The following MEGF11 variants were observed in gnomAD, a reference collection of about 807,000 sequenced individuals.
The protein encoded by MEGF11 is multiple EGF like domains 11.
MEGF11 carries 126 observed loss-of-function variants against 146.6 expected under a neutral mutation model. That is an observed-to-expected ratio of 0.86 (90% confidence interval 0.74 to 1.00). MEGF11 has a LOEUF of 1.00. Among genes scored for constraint, MEGF11 ranks in the 50% least tolerant of loss-of-function variants. MEGF11 has a pLI of 0.00. For missense variants in MEGF11, 1,509 were observed against 1,521.2 expected, an observed-to-expected ratio of 0.99 and a Z score of 0.13; for synonymous variants, 532 against 583.4, an observed-to-expected ratio of 0.91 and a Z score of 1.27.
intron 5 of MEGF11, among the ~76,000 whole-genome samples, chr15:65,995,936 A>G (rs2082182948): frequency 6.6e-6 from 1 of 152,074 alleles, no homozygotes; most frequent in African/African-American, 2.4e-5. Context: ...GTACCCTTCC[A>G]TCATCTCCAT....
chr15:66,166,887 G>C (rs140505246), intron 1 of MEGF11, among the ~76,000 whole-genome samples: 8 of 152,222 alleles, frequency 5.3e-5, no homozygotes, highest in African/African-American at 1.4e-4. Context: ...GTGAATAAAG[G>C]TTTCGATTCT....
At chr15:66,015,049 A>C (rs149847157) in intron 5 of MEGF11, among the ~76,000 whole-genome samples, 4 of 152,374 alleles carry the variant, frequency 2.6e-5, no homozygotes, top group African/African-American at 9.6e-5. Context: ...AAGCTTATCA[A>C]CATGACGTAA....
intron 11 of MEGF11, 66 bp from the exon 12 acceptor site, chr15:65,929,949 C>G: frequency 6.8e-7 from 1 of 1,476,522 alleles, no homozygotes; most frequent in Non-Finnish European, 9.2e-7. Flanking sequence ...TGCCCACTCC[C>G]CCCAGCTCTG....
chr15:65,965,225 T>C, intron 8 of MEGF11, 105 bp from the exon 9 acceptor site: 1 of 913,872 alleles, frequency 1.1e-6, no homozygotes, highest in Non-Finnish European at 1.7e-6. Flanking sequence ...CCAGGCCTGG[T>C]GTGCTCCACG....
At position 65,973,643 on chromosome 15, in the gene MEGF11, T is replaced by A. The variant is rs530033972; in HGVS notation, c.763-2954A>T. On this transcript the variant is annotated intron_variant, in intron 7 of 25. Coordinates refer to ENST00000395614, the MANE Select transcript of MEGF11 (RefSeq NM_001385028.1). ...CAAATCCCGTGTCTTAAAACTTTTT[T>A]AAATGATTTAACCACAAATTGTAAT... Among the ~76,000 whole-genome samples, 15 of 152,268 alleles carry A rather than the reference T, an allele frequency of 9.9e-5. No individual in the cohort carries two copies. In the South Asian group the frequency reaches 1.9e-3, roughly 19 times the overall value.
At chr15:65,980,948 G>A (rs777060807) in intron 6 of MEGF11, 50 bp from the exon 7 acceptor site, 10 of 1,500,092 alleles carry the variant, frequency 6.7e-6, no homozygotes, top group Non-Finnish European at 6.2e-6. Context: ...AGATCAGGTG[G>A]CAGGGCCCCA....
chr15:66,143,754 C>T (rs936328828), intron 1 of MEGF11, among the ~76,000 whole-genome samples: 2 of 152,180 alleles, frequency 1.3e-5, no homozygotes, highest in Admixed American at 6.5e-5. Flanking sequence ...AGCCCTGTCT[C>T]CCCAGGACTC....
At chr15:66,213,618 T>C (rs2091515119) in intron 1 of MEGF11, among the ~76,000 whole-genome samples, 1 of 151,652 alleles carries the variant, frequency 6.6e-6, no homozygotes, top group African/African-American at 2.4e-5. Flanking sequence ...GGTCTCGCCA[T>C]GTCGCCCAGG....
In MEGF11 at chr15:66,073,086, C is replaced by G. The variant is rs560090596; in HGVS notation, c.394+21316G>C. ...GAGGATTTAGGGGCTGGCCTCCTAG[C>G]AAGACATGTGGCCATGTCCCCAAGC... On this transcript the variant is annotated intron_variant, in intron 5 of 25. Transcript: ENST00000395614. Among the ~76,000 whole-genome samples, 178 of 152,332 alleles carry G rather than the reference C, an allele frequency of 1.2e-3. 1 individual carries two copies. Among genetic ancestry groups the G allele is most frequent in the African/African-American group, 3.6e-3 (150 of 41,570 alleles).
chr15:66,161,920 C>CAGT (rs1188906072), intron 1 of MEGF11, among the ~76,000 whole-genome samples: 1 of 152,152 alleles, frequency 6.6e-6, no homozygotes, highest in African/African-American at 2.4e-5. Flanking sequence ...GCATCATGAC[C>CAGT]CACTACCCAC....
chr15:66,219,283 G>A (rs375575268), intron 1 of MEGF11, among the ~76,000 whole-genome samples: 25 of 152,256 alleles, frequency 1.6e-4, no homozygotes, highest in African/African-American at 3.6e-4. Flanking sequence ...TCTACAGAGC[G>A]GGAGAAAATA....
At chr15:66,107,544 A>C (rs533036497) in intron 4 of MEGF11, among the ~76,000 whole-genome samples, 36 of 152,260 alleles carry the variant, frequency 2.4e-4, no homozygotes, top group Non-Finnish European at 4.6e-4. Flanking sequence ...CTGCGACAGT[A>C]AGCTCAGTCC....
At chr15:66,003,557 G>A (rs2082428081) in intron 5 of MEGF11, among the ~76,000 whole-genome samples, 4 of 152,100 alleles carry the variant, frequency 2.6e-5, no homozygotes, top group Admixed American at 2.6e-4. Flanking sequence ...AAGAGCAGCC[G>A]TGGTGGCCAC....
chr15:66,190,930 C>A (rs906782594), intron 1 of MEGF11, among the ~76,000 whole-genome samples: 1 of 152,196 alleles, frequency 6.6e-6, no homozygotes, highest in African/African-American at 2.4e-5. Flanking sequence ...TATCGTCCCT[C>A]CTGCTGCAAT....
At chr15:66,239,247 C>A (rs1335726791) in intron 1 of MEGF11, among the ~76,000 whole-genome samples, 1 of 152,212 alleles carries the variant, frequency 6.6e-6, no homozygotes, top group Non-Finnish European at 1.5e-5. Context: ...GAGCTAGGAG[C>A]ATTTTCTGTT....
intron 4 of MEGF11, among the ~76,000 whole-genome samples, chr15:66,104,825 T>C (rs2086991014): frequency 6.6e-6 from 1 of 152,078 alleles, no homozygotes; most frequent in Admixed American, 6.5e-5. Flanking sequence ...GTTTCAAGCC[T>C]GAAGCGGGTG....
chr15:66,253,452 C>T (rs1470263027), intron 1 of MEGF11, among the ~76,000 whole-genome samples, 153 bp downstream of exon 1: 1 of 152,204 alleles, frequency 6.6e-6, no homozygotes, highest in African/African-American at 2.4e-5. Flanking sequence ...AGCCGGGACC[C>T]GGGCAGGGCG....
intron 5 of MEGF11, among the ~76,000 whole-genome samples, chr15:66,092,292 A>G (rs1293604737): frequency 6.6e-5 from 10 of 152,234 alleles, no homozygotes; most frequent in African/African-American, 2.4e-4. Context: ...ACTGAAGGTG[A>G]GAATCTATGA....
Position 65,916,209 on chromosome 15 carries a change from A to T in MEGF11, c.2283T>A (p.Cys761Ter). Residue 761 changes from cysteine (C) to a stop codon, truncating the protein, a stop_gained, in exon 18 of 26, where the codon TGT becomes TGA. Coordinates refer to ENST00000395614, the MANE Select transcript of MEGF11 (RefSeq NM_001385028.1). LOFTEE classifies it high-confidence loss of function. ...AGGTGCACTTGCCACTGATGTGGTC[A>T]CAGCTGGCGCCATTCTGACACTGGC... ...RVCQCQNGAS[C>*]DHISGKCTCR... 6.3e-7 allele frequency: 1 copy of T among 1,575,618 alleles called. No individual in the cohort carries two copies. Among genetic ancestry groups the T allele is most frequent in the South Asian group, 1.2e-5 (1 of 85,554 alleles).
Sources: gnomAD v4.1 joint callset for allele counts (sites outside exome capture counted in the v4.1 genomes callset) on GRCh38, gnomAD v4.1.1 for gene constraint, MANE v1.5 for transcripts, NCBI Gene and HGNC (gene_info 2026-07-23, HGNC 2026-07-21) for gene names.